The following GPATCH8 variants were observed in gnomAD, a reference collection of about 807,000 sequenced individuals.
GPATCH8 encodes the protein G-patch domain containing 8, also known as G patch domain-containing protein 8.
In GPATCH8, 18 loss-of-function variants were observed where a neutral mutation model predicts 118.3. The ratio of observed to expected loss-of-function variants is 0.15; its 90% CI spans 0.11 to 0.23. GPATCH8 has a LOEUF of 0.23. Ranked by LOEUF, GPATCH8 falls within the 10% of genes least tolerant of loss-of-function variation. The probability of loss-of-function intolerance (pLI) is 1.00; values close to 1 mark genes in which losing one functional copy is unlikely to be tolerated. For missense variants in GPATCH8, 1,631 were observed against 1,873.8 expected (o/e 0.87, Z 2.39); for synonymous variants, 659 against 684.7 (o/e 0.96, Z 0.59).
chr17:44,468,090 C>T (rs1437109898), intron 2 of GPATCH8, among the ~76,000 whole-genome samples: 1 of 151,700 alleles, frequency 6.6e-6, no homozygotes, highest in African/African-American at 2.4e-5. Context: ...ATCTCCACCT[C>T]CTGAGTAGCT....
At position 44,397,939 on chromosome 17, in the gene GPATCH8, G is replaced by A. The variant is rs1184278565; in HGVS notation, c.4138C>T (p.Leu1380=). 2 of 1,613,414 alleles carry A rather than the reference G, an allele frequency of 1.2e-6. No individual in the cohort carries two copies. The highest frequency in any genetic ancestry group is 1.1e-5 in the South Asian group (1 of 91,078). ...TSITTVQHAI[L]QHHAAAAAAA... is the part of the protein sequence containing the mutation. ...GCAGCTGCGGCAGCATGATGTTGTA[G>A]GATGGCATGCTGAACAGTTGTGATG... is the stretch of plus-strand genomic sequence containing the variant. Residue 1380 remains leucine, a synonymous_variant, in exon 8 of 8, where the codon CTA becomes TTA. Transcript: ENST00000591680.
intron 6 of GPATCH8, among the ~76,000 whole-genome samples, chr17:44,419,902 T>C (rs1194252977): frequency 1.3e-5 from 2 of 152,180 alleles, no homozygotes; most frequent in African/African-American, 2.4e-5. Flanking sequence ...TGTTTATATA[T>C]TTATAACATT....
intron 3 of GPATCH8, among the ~76,000 whole-genome samples, chr17:44,446,338 G>GGGCAGATCACGAGGTC (rs2050880013): frequency 1.3e-5 from 2 of 152,186 alleles, no homozygotes; most frequent in East Asian, 1.9e-4. Flanking sequence ...AGGCCGAGGC[G>GGGCAGATCACGAGGTC]GGCAGATCAC....
At chr17:44,426,603 CAAAAAAAAAA>C (rs754510329) in intron 5 of GPATCH8, among the ~76,000 whole-genome samples, 3 of 82,844 alleles carry the variant, frequency 3.6e-5, no homozygotes, top group African/African-American at 5.4e-5. Flanking sequence ...GACCTTGTCT[CAAAAAAAAAA>C]AAAAAAAAAA....
chr17:44,429,639 G>C (rs1399384261), intron 5 of GPATCH8, among the ~76,000 whole-genome samples: 3 of 58,376 alleles, frequency 5.1e-5, no homozygotes, highest in Non-Finnish European at 1.0e-4. Flanking sequence ...GTGAAACCCC[G>C]TCTCTACTAA....
Position 44,436,563 on chromosome 17 carries a change from A to C in GPATCH8, c.194-18T>G. The C allele has an allele frequency of 7.7e-7, 1 of 1,292,418 alleles. No homozygotes were observed. The highest frequency in any genetic ancestry group is 1.1e-6 in the Non-Finnish European group (1 of 885,740). The allele number at this position is 1,292,418 out of a possible 1,614,324, so 80.1% of individuals were successfully genotyped here. On this transcript the variant is annotated intron_variant, in intron 3 of 7. Transcript: ENST00000591680. Reference sequence around the variant, plus strand: ...TGTTCTCCCTGTAACAGGAACACATAATCAAGGTAAGGTGCAAAGCCAAAC... The same window carrying C: ...TGTTCTCCCTGTAACAGGAACACATCATCAAGGTAAGGTGCAAAGCCAAAC...
chr17:44,464,940 T>G, intron 2 of GPATCH8: 1 of 176,026 alleles, frequency 5.7e-6, no homozygotes, highest in South Asian at 1.3e-4. Context: ...AAGATTTTTT[T>G]TTTTTTAAAG....
In GPATCH8 at chr17:44,399,442, C is replaced by A. The variant is rs763491421; in HGVS notation, c.2635G>T (p.Asp879Tyr). The change falls in exon 8 of 8, where the codon GAC becomes TAC. Residue 879 changes from aspartate to tyrosine, a missense_variant. Around this residue, in one of 8 missense-constraint regions of GPATCH8, gnomAD observed 922 missense variants for 879.7 expected, o/e 1.05. Coordinates refer to ENST00000591680, the MANE Select transcript of GPATCH8 (RefSeq NM_001002909.4). ...SYSSSSDASSDQSCYSRQRSY... is the reference protein window; with the variant it reads ...SYSSSSDASSYQSCYSRQRSY... Reference sequence around the variant, plus strand: ...CGCTGTCTACTATAGCAGCTCTGGTCTGAAGAGGCATCTGAGCTACTTGAG... The same window carrying A: ...CGCTGTCTACTATAGCAGCTCTGGTATGAAGAGGCATCTGAGCTACTTGAG... The A allele has an allele frequency of 3.1e-6, 5 of 1,614,054 alleles. No individual in the cohort carries two copies. The South Asian group carries it at 4.4e-5, about 14-fold the overall frequency.
chr17:44,460,521 A>T (rs2051504118), intron 3 of GPATCH8, among the ~76,000 whole-genome samples: 1 of 152,190 alleles, frequency 6.6e-6, no homozygotes, highest in Non-Finnish European at 1.5e-5. Context: ...ATTCAGTAAC[A>T]AGACATCAGC....
At position 44,397,897 on chromosome 17, in the gene GPATCH8, G is replaced by T; in HGVS notation, c.4180C>A (p.His1394Asn). 6.2e-7 allele frequency: 1 copy of T among 1,611,458 alleles called. No homozygotes were observed. Among genetic ancestry groups the T allele is most frequent in the Non-Finnish European group, 8.5e-7 (1 of 1,177,750 alleles). ...AGTGGTTGGGGATGGGGGTGAGGGT[G>T]AATGCCGATGGCGGCAGCAGCTGCG... ...AAAAAAAIGI[H>N]PHPHPQPLAQ... The change falls in exon 8 of 8, where the codon CAC becomes AAC. Residue 1394 changes from histidine to asparagine, a missense_variant. Transcript: ENST00000591680.
chr17:44,476,119 CACTA>C (rs1422900523), intron 1 of GPATCH8, among the ~76,000 whole-genome samples: 3 of 152,158 alleles, frequency 2.0e-5, no homozygotes, highest in Non-Finnish European at 2.9e-5. Context: ...TAAACTAAAA[CACTA>C]TCAACCATTT....
At chr17:44,457,247 TA>T (rs2051370291) in intron 3 of GPATCH8, among the ~76,000 whole-genome samples, 1 of 152,144 alleles carries the variant, frequency 6.6e-6, no homozygotes, top group Non-Finnish European at 1.5e-5. Flanking sequence ...TATGGTCAAG[TA>T]AATACAAACA....
At chr17:44,443,525 T>C (rs2144107518) in intron 3 of GPATCH8, among the ~76,000 whole-genome samples, 1 of 152,216 alleles carries the variant, frequency 6.6e-6, no homozygotes, top group Non-Finnish European at 1.5e-5. Context: ...ACTTAATCCC[T>C]AGAGAGTTTT....
In GPATCH8 at chr17:44,435,077, T is replaced by C. The variant is rs1473597014; in HGVS notation, c.336A>G (p.Arg112=). ...TTTGTTTAAATACCTTGTACTTTTG[T>C]CTCAGCTCTTCTGTGTCTTCTTTTT... is the stretch of plus-strand genomic sequence containing the variant. The part of the protein sequence containing the change: ...EVEKEDTEEL[R]QKYKDYVDKE... The change falls in exon 5 of 8, where the codon AGA becomes AGG. Residue 112 remains arginine (R), a synonymous_variant. Transcript: ENST00000591680. 3 of 1,378,520 alleles carry C rather than the reference T, an allele frequency of 2.2e-6. No homozygotes were observed. Among genetic ancestry groups the C allele is most frequent in the Non-Finnish European group, 2.1e-6 (2 of 964,780 alleles). The allele number at this position is 1,378,520 out of a possible 1,614,324, so 85.4% of individuals were successfully genotyped here. A position where few individuals can be genotyped will look rare whatever the true frequency, so the allele number is the denominator to read the frequency against.
At chr17:44,445,734 G>A (rs1299573147) in intron 3 of GPATCH8, 2 of 152,068 alleles carry the variant, frequency 1.3e-5, no homozygotes, top group Admixed American at 6.6e-5. Flanking sequence ...TCGAACTTCT[G>A]ACTTCAGGTG....
intron 1 of GPATCH8, among the ~76,000 whole-genome samples, chr17:44,477,745 G>A (rs1008329844): frequency 9.3e-5 from 14 of 151,020 alleles, no homozygotes; most frequent in African/African-American, 3.4e-4. Flanking sequence ...TTTCAGGAAT[G>A]AAAAAAAGCA....
chr17:44,442,699 G>C (rs2050744177), intron 3 of GPATCH8, among the ~76,000 whole-genome samples: 1 of 152,178 alleles, frequency 6.6e-6, no homozygotes, highest in African/African-American at 2.4e-5. Context: ...TCCTGGGCTT[G>C]AGTGATCTGC....
At chr17:44,460,753 T>A (rs1466156733) in intron 3 of GPATCH8, among the ~76,000 whole-genome samples, 1 of 152,238 alleles carries the variant, frequency 6.6e-6, no homozygotes, top group Admixed American at 6.5e-5. Flanking sequence ...AGAAATCACA[T>A]GCGATGCCTA....
At chr17:44,428,379 G>C (rs2050165857) in intron 5 of GPATCH8, among the ~76,000 whole-genome samples, 1 of 151,900 alleles carries the variant, frequency 6.6e-6, no homozygotes, top group South Asian at 2.1e-4. Flanking sequence ...TGTAATCCCA[G>C]CTACTTGGGA....
Sources: gnomAD v4.1 joint callset for allele counts (sites outside exome capture counted in the v4.1 genomes callset) on GRCh38, gnomAD v4.1.1 for gene constraint, gnomAD v4.1.1 regional missense constraint, MANE v1.5 for transcripts, NCBI Gene and HGNC (gene_info 2026-07-23, HGNC 2026-07-21) for gene names.